The following CGGBP1 variants were observed in gnomAD, a reference collection of about 807,000 sequenced individuals.
The protein encoded by CGGBP1 is CGG triplet repeat-binding protein 1.
Under a neutral mutation model 11.4 loss-of-function variants are expected in CGGBP1, and 4 were observed. The ratio of observed to expected loss-of-function variants is 0.35; its 90% CI spans 0.17 to 0.80. CGGBP1 has a LOEUF of 0.80. CGGBP1 is among the 30% of genes least tolerant of loss of function. The pLI is 0.52. For missense variants in CGGBP1, 135 were observed against 202.1 expected (o/e 0.67, Z 2.01); for synonymous variants, 76 against 74.1 (o/e 1.03, Z -0.13).
intron 2 of CGGBP1, among the ~76,000 whole-genome samples, chr3:88,089,515 A>T (rs938642551): frequency 1.3e-5 from 2 of 152,008 alleles, no homozygotes; most frequent in African/African-American, 2.4e-5. Flanking sequence ...GTTTTATTAG[A>T]TAACTAAGCC....
At chr3:88,087,795 T>C (rs1306691666) in intron 2 of CGGBP1, among the ~76,000 whole-genome samples, 4 of 152,218 alleles carry the variant, frequency 2.6e-5, no homozygotes, top group Admixed American at 2.0e-4. Context: ...AATTTTTTAA[T>C]GTAGTTCAAT....
At chr3:88,098,458 GGAATCCTCCCTAACTCTTTTTAT>G (rs1704198022) in intron 2 of CGGBP1, among the ~76,000 whole-genome samples, 1 of 152,122 alleles carries the variant, frequency 6.6e-6, no homozygotes, top group Non-Finnish European at 1.5e-5. Context: ...AGAAAAAGAG[GGAATCCTCCCTAACTCTTTTTAT>G]GAGGCCAGCA....
chr3:88,136,919 G>GC (rs1025815469), intron 2 of CGGBP1, among the ~76,000 whole-genome samples: 3 of 152,082 alleles, frequency 2.0e-5, no homozygotes, highest in African/African-American at 7.2e-5. Flanking sequence ...TGTAGGCTGG[G>GC]CGCGATGGCT....
intron 2 of CGGBP1, among the ~76,000 whole-genome samples, chr3:88,102,434 T>C (rs1330754207): frequency 6.6e-6 from 1 of 152,126 alleles, no homozygotes; most frequent in Non-Finnish European, 1.5e-5. Context: ...TAATGTCAAA[T>C]TTGCTGTTAA....
At chr3:88,149,814 C>T in exon 1 of CGGBP1, 1 of 527,086 alleles carries the variant, frequency 1.9e-6, no homozygotes, top group East Asian at 3.4e-5. Flanking sequence ...AAACCCAGCA[C>T]TTCCCTTAAT....
chr3:88,121,347 A>G (rs1462775768), intron 2 of CGGBP1, among the ~76,000 whole-genome samples: 1 of 152,172 alleles, frequency 6.6e-6, no homozygotes, highest in Non-Finnish European at 1.5e-5. Context: ...TAATGGCATA[A>G]TAGAAGCATT....
At chr3:88,096,281 A>G (rs1169741290) in intron 2 of CGGBP1, among the ~76,000 whole-genome samples, 3 of 152,098 alleles carry the variant, frequency 2.0e-5, no homozygotes, top group Non-Finnish European at 2.9e-5. Flanking sequence ...TGTTAGCTCT[A>G]GAAATGGAGG....
chr3:88,092,291 G>C (rs1703788596), intron 2 of CGGBP1, among the ~76,000 whole-genome samples: 1 of 152,098 alleles, frequency 6.6e-6, no homozygotes. Context: ...AGCTCTGCTT[G>C]CTTCTAGGGA....
intron 2 of CGGBP1, among the ~76,000 whole-genome samples, chr3:88,085,102 A>G (rs75461470): frequency 0.01 from 1,571 of 152,328 alleles, 25 homozygotes; most frequent in African/African-American, 0.035. Flanking sequence ...GAAATGTGAG[A>G]GACCCATGGA....
intron 2 of CGGBP1, among the ~76,000 whole-genome samples, chr3:88,072,663 C>A (rs1687373965): frequency 6.6e-6 from 1 of 152,120 alleles, no homozygotes; most frequent in Non-Finnish European, 1.5e-5. Flanking sequence ...CTCTAGTATT[C>A]TTTTTCCCCC....
At chr3:88,100,813 G>C (rs902592171) in intron 2 of CGGBP1, among the ~76,000 whole-genome samples, 24 of 152,222 alleles carry the variant, frequency 1.6e-4, no homozygotes, top group Middle Eastern at 3.4e-3. Flanking sequence ...CCTGTCATGG[G>C]GTGGGGAAAG....
intron 2 of CGGBP1, among the ~76,000 whole-genome samples, chr3:88,084,635 C>T (rs1026120382): frequency 1.3e-5 from 2 of 152,176 alleles, no homozygotes; most frequent in Non-Finnish European, 2.9e-5. Context: ...GTACCTGGTA[C>T]TGCCATTTGG....
At chr3:88,116,794 C>G (rs1306430191) in intron 2 of CGGBP1, among the ~76,000 whole-genome samples, 1 of 152,024 alleles carries the variant, frequency 6.6e-6, no homozygotes, top group Non-Finnish European at 1.5e-5. Flanking sequence ...CTCTCATAGG[C>G]CATGATCTAC....
chr3:88,133,627 A>G (rs1706595664), intron 2 of CGGBP1, among the ~76,000 whole-genome samples: 1 of 152,162 alleles, frequency 6.6e-6, no homozygotes, highest in Non-Finnish European at 1.5e-5. Flanking sequence ...TAAATGAAGC[A>G]GTTTAGCTGA....
At chr3:88,142,179 A>ACT (rs1450379821) in intron 1 of CGGBP1, 1 of 152,358 alleles carries the variant, frequency 6.6e-6, no homozygotes, top group African/African-American at 2.4e-5. Context: ...TGATTTAGAA[A>ACT]CTTATACATT....
chr3:88,113,225 T>C (rs1705198465), intron 2 of CGGBP1: 2 of 1,392,706 alleles, frequency 1.4e-6, no homozygotes, highest in African/African-American at 1.4e-5. Flanking sequence ...CTTCACACTT[T>C]GTCTACACTT....
intron 2 of CGGBP1, among the ~76,000 whole-genome samples, chr3:88,072,275 G>A (rs13097271): frequency 0.025 from 3,827 of 152,248 alleles, 61 homozygotes; most frequent in Non-Finnish European, 0.04. Context: ...TTATTTCCCT[G>A]TTGCCACCTT....
upstream of CGGBP1, among the ~76,000 whole-genome samples, chr3:88,060,481 GA>G (rs1384867305): frequency 6.6e-6 from 1 of 152,004 alleles, no homozygotes; most frequent in South Asian, 2.1e-4. Flanking sequence ...CTATTTTGGG[GA>G]AAAAAATTAA....
chr3:88,088,345 G>T (rs1004964759), intron 2 of CGGBP1, among the ~76,000 whole-genome samples: 1 of 151,976 alleles, frequency 6.6e-6, no homozygotes, highest in Non-Finnish European at 1.5e-5. Flanking sequence ...CAATGAAAAA[G>T]TGAAAAATAA....
Sources: gnomAD v4.1 joint callset for allele counts (sites outside exome capture counted in the v4.1 genomes callset) on GRCh38, gnomAD v4.1.1 for gene constraint, MANE v1.5 for transcripts, NCBI Gene and HGNC (gene_info 2026-07-23, HGNC 2026-07-21) for gene names.